Variants in ANKRD28 observed in about 807,000 individuals in gnomAD.
The protein encoded by ANKRD28 is serine/threonine-protein phosphatase 6 regulatory ankyrin repeat subunit A.
ANKRD28 carries 44 observed loss-of-function variants against 126.5 expected under a neutral mutation model. That is an observed-to-expected ratio of 0.35 (90% CI 0.27 to 0.45). The LOEUF (loss-of-function observed/expected upper bound fraction) is 0.45. Among genes scored for constraint, ANKRD28 ranks in the 20% least tolerant of loss-of-function variants. The pLI, the probability that ANKRD28 is intolerant of heterozygous loss-of-function variation, is 1.00. For missense variants in ANKRD28, 1,110 were observed against 1,316.6 expected (o/e 0.84, Z 2.43); for synonymous variants, 442 against 468.5 (o/e 0.94, Z 0.73).
At chr3:15,813,998 T>C (rs1202281971) in intron 1 of ANKRD28, among the ~76,000 whole-genome samples, 1 of 152,200 alleles carries the variant, frequency 6.6e-6, no homozygotes, top group Non-Finnish European at 1.5e-5. Context: ...ATCTTAGATT[T>C]ATAAGCCCCC....
In ANKRD28 at chr3:15,735,419, C is replaced by T. The variant is rs1176535307; in HGVS notation, c.631G>A (p.Ala211Thr). The change falls in exon 6 of 28, where the codon GCA becomes ACA. Residue 211 changes from alanine (A) to threonine (T), a missense_variant. Ala to Thr is a moderately conservative substitution (Grantham distance 58, BLOSUM62 0). Coordinates refer to ENST00000683139, the MANE Select transcript of ANKRD28 (RefSeq NM_001349278.2). ...TTTAAAAAGTACATACCCATATATG[C>T]TGCCCAATGGATAGCACGCCTATCT... is the stretch of plus-strand genomic sequence containing the variant. The part of the protein sequence containing the change: ...KKDRRAIHWA[A>T]YMGHIEVVKL... 4 of 1,555,952 alleles carry T rather than the reference C, an allele frequency of 2.6e-6. No individual in the cohort carries two copies. The South Asian group carries it at 3.6e-5, about 14-fold the overall frequency.
intron 1 of ANKRD28, among the ~76,000 whole-genome samples, chr3:15,841,978 C>G (rs564355999): frequency 6.6e-6 from 1 of 151,350 alleles, no homozygotes; most frequent in East Asian, 1.9e-4. Context: ...GATATCTGCA[C>G]TCCCATGTTA....
chr3:15,794,357 A>G (rs2060178558), intron 2 of ANKRD28, among the ~76,000 whole-genome samples: 1 of 151,448 alleles, frequency 6.6e-6, no homozygotes, highest in African/African-American at 2.4e-5. Flanking sequence ...GATGAGAGTT[A>G]AAAATGAGCT....
In ANKRD28 at chr3:15,677,507, A is replaced by G. The variant is rs772960155; in HGVS notation, c.2763T>C (p.Asn921=). 2.5e-6 allele frequency: 4 copies of G among 1,612,886 alleles called. No individual in the cohort carries two copies. In the Admixed American group the frequency reaches 6.7e-5, roughly 27 times the overall value. ...TGCTACAAGCCAAATGGAGGGCAGT[A>G]TTTTTACTGTTATCTTGTAAAGTCA... ...AELTLQDNSK[N]TALHLACSKG... is the part of the protein sequence containing the mutation. Residue 921 remains asparagine (N), a synonymous_variant, in exon 25 of 28, where the codon AAT becomes AAC. Transcript: ENST00000683139.
chr3:15,761,666 T>C (rs947460175), intron 3 of ANKRD28, among the ~76,000 whole-genome samples: 4 of 152,214 alleles, frequency 2.6e-5, no homozygotes, highest in Admixed American at 2.0e-4. Context: ...ATTAGTCTTT[T>C]ACTACCCTGC....
chr3:15,670,734 GA>G (rs2066252724), intron 27 of ANKRD28, among the ~76,000 whole-genome samples, 178 bp from the exon 28 acceptor site: 3 of 152,180 alleles, frequency 2.0e-5, no homozygotes. Flanking sequence ...AATAGCCATA[GA>G]AACCTAGGGT....
At chr3:15,793,007 A>C (rs558979006) in intron 2 of ANKRD28, among the ~76,000 whole-genome samples, 12 of 152,318 alleles carry the variant, frequency 7.9e-5, no homozygotes, top group African/African-American at 2.9e-4. Flanking sequence ...TAGAGAAATA[A>C]ATCTGAACTT....
intron 26 of ANKRD28, 119 bp downstream of exon 26, chr3:15,676,855 T>C: frequency 7.0e-6 from 5 of 714,658 alleles, no homozygotes; most frequent in Non-Finnish European, 1.1e-5. Flanking sequence ...TGTAAAACTA[T>C]TAAAATTGCT....
chr3:15,712,985 G>A (rs2072521861), intron 10 of ANKRD28, among the ~76,000 whole-genome samples: 1 of 152,166 alleles, frequency 6.6e-6, no homozygotes, highest in Admixed American at 6.5e-5. Flanking sequence ...TTTAAGTATG[G>A]TGTTTCTTGC....
rs2072041041 is a variant in ANKRD28, at chr3:15,710,127, T to C, written c.1338-391A>G. Among the ~76,000 whole-genome samples the C allele has an allele frequency of 2.0e-5, 3 of 151,882 alleles. No individual in the cohort carries two copies. In the South Asian group the frequency reaches 6.2e-4, roughly 31 times the overall value. The stretch of plus-strand genomic sequence containing the variant: ...ATAGCTAACGGCAGCCTCCAACTCC[T>C]GGATATAAGCGATCCTCCAAGTCTC... On this transcript the variant is annotated intron_variant, in intron 12 of 27. Coordinates refer to ENST00000683139, the MANE Select transcript of ANKRD28 (RefSeq NM_001349278.2).
chr3:15,813,047 C>CT (rs34610698), intron 1 of ANKRD28, among the ~76,000 whole-genome samples: 2,918 of 137,500 alleles, frequency 0.021, 41 homozygotes, highest in Non-Finnish European at 0.031. Context: ...TAATCACCTC[C>CT]TTTTTTTTTT....
intron 4 of ANKRD28, among the ~76,000 whole-genome samples, chr3:15,742,824 A>G (rs1376453230): frequency 2.1e-5 from 3 of 145,362 alleles, no homozygotes; most frequent in Non-Finnish European, 4.5e-5. Flanking sequence ...GGCCGCCCCT[A>G]CTGGGAAGTG....
intron 1 of ANKRD28, among the ~76,000 whole-genome samples, chr3:15,811,978 C>A (rs1212621757): frequency 6.6e-6 from 1 of 151,792 alleles, no homozygotes; most frequent in African/African-American, 2.4e-5. Flanking sequence ...CACAGCAAAA[C>A]CCTATCTTTA....
In ANKRD28 at chr3:15,756,486, T is replaced by TA; in HGVS notation, c.281-4667dup. The TA allele has an allele frequency of 2.6e-5, 26 of 985,230 alleles. 1 individual carries two copies. Among genetic ancestry groups the TA allele is most frequent in the Non-Finnish European group, 3.0e-5 (25 of 829,742 alleles). The allele number at this position is 985,230 out of a possible 1,614,324, so 61.0% of individuals were successfully genotyped here. The stretch of plus-strand genomic sequence containing the variant: ...AAAAACTTGATTTACTTACTTACAT[T>TA]AGTCTAGGGCTCTAGGCAGCCAGCA... On this transcript the variant is annotated intron_variant, in intron 3 of 27. Coordinates refer to ENST00000683139, the MANE Select transcript of ANKRD28 (RefSeq NM_001349278.2).
chr3:15,741,049 A>C (rs2075421669), intron 4 of ANKRD28, among the ~76,000 whole-genome samples: 2 of 152,266 alleles, frequency 1.3e-5, no homozygotes, highest in South Asian at 2.1e-4. Context: ...ATATACAAAA[A>C]TTAGCCAGGT....
chr3:15,686,983 G>A (rs1437958120), intron 18 of ANKRD28, among the ~76,000 whole-genome samples: 14 of 147,924 alleles, frequency 9.5e-5, no homozygotes, highest in East Asian at 5.9e-4. Flanking sequence ...TCGCTCTGTC[G>A]CCCAGGCTGG....
chr3:15,818,662 G>C (rs2060882734), intron 1 of ANKRD28, among the ~76,000 whole-genome samples: 1 of 152,164 alleles, frequency 6.6e-6, no homozygotes, highest in Non-Finnish European at 1.5e-5. Context: ...TAAAATGAAA[G>C]TGAGATGAAT....
chr3:15,771,957 T>C (rs1405398842), intron 2 of ANKRD28, among the ~76,000 whole-genome samples: 1 of 152,116 alleles, frequency 6.6e-6, no homozygotes, highest in Non-Finnish European at 1.5e-5. Flanking sequence ...TAAAGTAGAA[T>C]AAATGTAGAA....
chr3:15,685,025 T>C, intron 21 of ANKRD28: 1 of 589,978 alleles, frequency 1.7e-6, no homozygotes, highest in South Asian at 2.1e-5. Flanking sequence ...CAGAACACCT[T>C]TGACAACTAG....
Sources: allele counts gnomAD v4.1 joint callset (sites outside exome capture counted in the v4.1 genomes callset), GRCh38; gene constraint gnomAD v4.1.1; transcripts MANE v1.5; gene names NCBI Gene and HGNC (gene_info 2026-07-23, HGNC 2026-07-21).